Variants in CNIH3 observed in about 807,000 individuals in gnomAD.
CNIH3 encodes protein cornichon homolog 3.
Under a neutral mutation model 24.1 loss-of-function variants are expected in CNIH3, and 14 were observed. That is an observed-to-expected ratio of 0.58 (90% confidence interval 0.38 to 0.91). CNIH3 has a LOEUF of 0.91. Among genes scored for constraint, CNIH3 ranks in the 40% least tolerant of loss-of-function variants. The pLI, the probability that CNIH3 is intolerant of heterozygous loss-of-function variation, is 0.00. For missense variants in CNIH3, 178 were observed against 196.8 expected (o/e 0.90, Z 0.57); for synonymous variants, 68 against 73.8 (o/e 0.92, Z 0.40).
chr1:224,730,279 C>T, intron 3 of CNIH3, 183 bp from the exon 4 acceptor site: 2 of 559,578 alleles, frequency 3.6e-6, no homozygotes, highest in Non-Finnish European at 6.4e-6. Flanking sequence ...AGAGGAGTGC[C>T]ATAAAAAGAA....
downstream of CNIH3, among the ~76,000 whole-genome samples, chr1:224,591,218 T>C (rs1294059646): frequency 6.6e-6 from 1 of 152,226 alleles, no homozygotes; most frequent in Non-Finnish European, 1.5e-5. Flanking sequence ...TGTGGTTGAA[T>C]GGTTAGGTCC....
At chr1:224,438,248 C>T (rs552679662) in intron 1 of CNIH3, among the ~76,000 whole-genome samples, 2 of 148,744 alleles carry the variant, frequency 1.3e-5, no homozygotes, top group South Asian at 4.2e-4. Context: ...AATACAGACA[C>T]AGTCTCATTA....
downstream of CNIH3, among the ~76,000 whole-genome samples, chr1:224,589,951 A>G (rs1318925428): frequency 1.3e-5 from 2 of 152,010 alleles, no homozygotes; most frequent in Admixed American, 1.3e-4. Context: ...ATCTCAGCTC[A>G]CTGCAACCTC....
chr1:224,714,153 A>C (rs2125207662), intron 3 of CNIH3, among the ~76,000 whole-genome samples: 1 of 152,314 alleles, frequency 6.6e-6, no homozygotes, highest in East Asian at 1.9e-4. Context: ...ATAGAGCATT[A>C]ATATTGGCTA....
chr1:224,459,139 C>T (rs1020381420), intron 1 of CNIH3: 7 of 883,314 alleles, frequency 7.9e-6, no homozygotes, highest in Non-Finnish European at 9.5e-6. Context: ...CTTTTATCTT[C>T]TAGGACATCC....
intron 1 of CNIH3, among the ~76,000 whole-genome samples, chr1:224,648,379 C>G (rs1028450964): frequency 1.0e-4 from 15 of 150,082 alleles, no homozygotes; most frequent in Non-Finnish European, 2.1e-4. Flanking sequence ...CCACTGCACT[C>G]CAGCCTGGGT....
intron 5 of CNIH3, among the ~76,000 whole-genome samples, chr1:224,738,799 C>T (rs1689722818): frequency 6.6e-6 from 1 of 152,082 alleles, no homozygotes; most frequent in Non-Finnish European, 1.5e-5. Flanking sequence ...AATAAGAGGG[C>T]CAGGGAGTTA....
chr1:224,454,325 T>G (rs1314378787), intron 1 of CNIH3: 1 of 984,108 alleles, frequency 1.0e-6, no homozygotes, highest in East Asian at 1.1e-4. Context: ...ATATTTCTTT[T>G]GCAAAGCTAG....
At chr1:224,450,337 T>C (rs527352909) in intron 1 of CNIH3, among the ~76,000 whole-genome samples, 1 of 152,292 alleles carries the variant, frequency 6.6e-6, no homozygotes, top group Non-Finnish European at 1.5e-5. Context: ...TATGATGGTA[T>C]GACGTGCTAG....
intron 3 of CNIH3, among the ~76,000 whole-genome samples, chr1:224,727,654 G>A (rs1431718786): frequency 6.6e-6 from 1 of 152,100 alleles, no homozygotes; most frequent in Non-Finnish European, 1.5e-5. Flanking sequence ...CAAATGGCCT[G>A]GCTGATTTCC....
chr1:224,450,371 A>G (rs1675343627), intron 1 of CNIH3, among the ~76,000 whole-genome samples: 1 of 152,192 alleles, frequency 6.6e-6, no homozygotes, highest in South Asian at 2.1e-4. Flanking sequence ...GAAGGACCAC[A>G]TGACATAGTG....
intron 1 of CNIH3, among the ~76,000 whole-genome samples, chr1:224,488,616 C>T (rs1370038264): frequency 1.3e-5 from 2 of 152,058 alleles, no homozygotes; most frequent in Non-Finnish European, 2.9e-5. Context: ...CAGACATGTG[C>T]CACCATGCCC....
chr1:224,722,696 G>A (rs1403087910), intron 3 of CNIH3, among the ~76,000 whole-genome samples: 1 of 152,000 alleles, frequency 6.6e-6, no homozygotes, highest in Non-Finnish European at 1.5e-5. Flanking sequence ...CTGGGGTTTA[G>A]CAAAAGCTCC....
intron 3 of CNIH3, among the ~76,000 whole-genome samples, chr1:224,725,414 T>C (rs1038810662): frequency 6.6e-6 from 1 of 152,204 alleles, no homozygotes; most frequent in African/African-American, 2.4e-5. Flanking sequence ...TTGAGTATTA[T>C]GTAACTGTAG....
At chr1:224,510,460 T>G (rs1678098141) in intron 1 of CNIH3, among the ~76,000 whole-genome samples, 1 of 151,564 alleles carries the variant, frequency 6.6e-6, no homozygotes, top group Non-Finnish European at 1.5e-5. Context: ...GCACATGGCT[T>G]ATGGCTGTAA....
chr1:224,591,165 C>T (rs1264407528), downstream of CNIH3, among the ~76,000 whole-genome samples: 2 of 152,042 alleles, frequency 1.3e-5, no homozygotes, highest in East Asian at 3.9e-4. Flanking sequence ...ACATTGACAC[C>T]CTGCACTGCT....
chr1:224,447,543 G>A (rs1450765134), intron 1 of CNIH3, among the ~76,000 whole-genome samples: 1 of 152,202 alleles, frequency 6.6e-6, no homozygotes, highest in African/African-American at 2.4e-5. Context: ...TGCTTCACCA[G>A]TTCTCTATTC....
chr1:224,594,267 C>G (rs1044507942), intron 3 of CNIH3, among the ~76,000 whole-genome samples: 8 of 152,206 alleles, frequency 5.3e-5, no homozygotes, highest in African/African-American at 1.4e-4. Flanking sequence ...GACCCAGTCT[C>G]CAGAGCCCTT....
At chr1:224,546,799 C>T in intron 2 of CNIH3, 1 of 618,028 alleles carries the variant, frequency 1.6e-6, no homozygotes. Context: ...TAAAACCATT[C>T]AAGTCTGTAT....
Sources: allele counts gnomAD v4.1 joint callset (sites outside exome capture counted in the v4.1 genomes callset), GRCh38; gene constraint gnomAD v4.1.1; transcripts MANE v1.5; gene names NCBI Gene and HGNC (gene_info 2026-07-23, HGNC 2026-07-21).